LANCL2: variants seen among roughly 807,000 people sequenced by gnomAD.
LANCL2 encodes LanC like glutathione S-transferase 2.
A neutral mutation model predicts 56.9 loss-of-function variants in LANCL2; 33 were observed. The observed-to-expected ratio is 0.58, with a 90% confidence interval of 0.44 to 0.78. The LOEUF (loss-of-function observed/expected upper bound fraction) is 0.78, where lower values mean the gene tolerates loss of function less well. Ranked by LOEUF, LANCL2 falls within the 30% of genes least tolerant of loss-of-function variation. LANCL2 has a pLI of 0.00. For synonymous variants in LANCL2, 233 were observed against 228.2 expected (o/e 1.02, Z -0.19); for missense variants, 562 against 580.2 (o/e 0.97, Z 0.32).
At chr7:55,407,911 G>T (rs138991592) in intron 5 of LANCL2, among the ~76,000 whole-genome samples, 1 of 152,190 alleles carries the variant, frequency 6.6e-6, no homozygotes. Context: ...CAGCCCCTCC[G>T]GTGCACTGAG....
chr7:55,391,715 A>C (rs775047704), intron 1 of LANCL2, 78 bp from the exon 2 acceptor site: 4 of 788,434 alleles, frequency 5.1e-6, no homozygotes, highest in African/African-American at 3.4e-5. Flanking sequence ...ATGTTTGTAC[A>C]ACTTAGACTT....
In LANCL2 at chr7:55,399,404, C is replaced by T. The variant is rs113691637; in HGVS notation, c.531-553C>T. Among the ~76,000 whole-genome samples the T allele has an allele frequency of 1.4e-3, 203 of 146,770 alleles. 3 individuals carry two copies. Among genetic ancestry groups the T allele is most frequent in the African/African-American group, 5.0e-3 (197 of 39,730 alleles). ...TGTTGCCCAGGCTGGAGTGCAATGG[C>T]GCGATCTCAGCTCACTGCAACGTCC... is the stretch of plus-strand genomic sequence containing the variant. On this transcript the variant is annotated intron_variant, in intron 3 of 8. Coordinates refer to ENST00000254770, the MANE Select transcript of LANCL2 (RefSeq NM_018697.4).
rs377264262 is a variant in LANCL2 at position 55,365,991 on chromosome 7, G to A, written c.-35G>A. The A allele has an allele frequency of 3.2e-5, 45 of 1,393,434 alleles. No individual in the cohort carries two copies. Among genetic ancestry groups the A allele is most frequent in the Non-Finnish European group, 3.8e-5 (40 of 1,063,572 alleles). 86.3% of individuals were successfully genotyped at this position (1,393,434 alleles called of 1,614,324 possible). ...GCGAGCTGCAGCGCCGGGACAGGAGGTTTGTCCCCGCCCGCGCGCCGTACC... is the reference window on the plus strand; with the variant it reads ...GCGAGCTGCAGCGCCGGGACAGGAGATTTGTCCCCGCCCGCGCGCCGTACC... On this transcript the variant is annotated 5_prime_UTR_variant, in exon 1 of 9. Transcript: ENST00000254770.
rs1274950063 is a variant in LANCL2, at chr7:55,369,042, T to C, written c.204+2813T>C. Reference sequence around the variant, plus strand: ...AGGGAGAAAGAAGATGGCCATGTGATGATGGAGGCAGAGATTGGAATTGCC... The same window carrying C: ...AGGGAGAAAGAAGATGGCCATGTGACGATGGAGGCAGAGATTGGAATTGCC... On this transcript the variant is annotated intron_variant, in intron 1 of 8. Transcript: ENST00000254770. Among the ~76,000 whole-genome samples the C allele has an allele frequency of 3.9e-5, 6 of 152,160 alleles. No individual in the cohort carries two copies. The East Asian group carries it at 1.2e-3, about 29-fold the overall frequency.
intron 6 of LANCL2, among the ~76,000 whole-genome samples, chr7:55,412,681 T>C (rs1790484613): frequency 6.6e-6 from 1 of 152,194 alleles, no homozygotes; most frequent in Admixed American, 6.5e-5. Context: ...AGATTTATCA[T>C]TTAAGATTTA....
At chr7:55,387,760 C>T (rs765744138) in intron 1 of LANCL2, among the ~76,000 whole-genome samples, 5 of 151,962 alleles carry the variant, frequency 3.3e-5, no homozygotes, top group African/African-American at 1.2e-4. Context: ...TTACACAGAC[C>T]GTTTATGACA....
At chr7:55,428,109 A>G (rs1283026621) in intron 7 of LANCL2, 1 of 519,756 alleles carries the variant, frequency 1.9e-6, no homozygotes, top group Non-Finnish European at 3.5e-6. Context: ...CAGGGAGAAC[A>G]GAGTGTCGTT....
At chr7:55,387,470 G>A (rs990607529) in intron 1 of LANCL2, among the ~76,000 whole-genome samples, 2 of 151,808 alleles carry the variant, frequency 1.3e-5, no homozygotes, top group Non-Finnish European at 2.9e-5. Flanking sequence ...AAAGCTGAAC[G>A]CAGTGGGACA....
At chr7:55,381,992 G>A (rs1036090483) in intron 1 of LANCL2, among the ~76,000 whole-genome samples, 2 of 152,198 alleles carry the variant, frequency 1.3e-5, no homozygotes, top group African/African-American at 4.8e-5. Context: ...GAGGGACACC[G>A]TTTTTAAGTC....
At position 55,365,884 on chromosome 7, in the gene LANCL2, C is replaced by A. The variant is rs1362737721; in HGVS notation, c.-142C>A. The A allele has an allele frequency of 1.7e-5, 10 of 583,560 alleles. No individual in the cohort carries two copies. The allele number at this position is 583,560 out of a possible 1,614,324, so 36.1% of individuals were successfully genotyped here. A position where few individuals can be genotyped will look rare whatever the true frequency, so the allele number is the denominator to read the frequency against. On this transcript the variant is annotated 5_prime_UTR_variant, in exon 1 of 9. Transcript: ENST00000254770. ...CGACGAGGCAGTGCACGCTCAGACG[C>A]CCCGCTCCTCCCGCCAGCGCGCGGC...
At position 55,428,590 on chromosome 7, in the gene LANCL2, A is replaced by T. The variant is rs888354226; in HGVS notation, c.1258+143A>T. On this transcript the variant is annotated intron_variant, in intron 8 of 8. Coordinates refer to ENST00000254770, the MANE Select transcript of LANCL2 (RefSeq NM_018697.4). ...TAATCAGCAGAGTAGCTTATTGCTG[A>T]AAATTATGTTGAATCTCTTCACCTT... 3 of 675,460 alleles carry T rather than the reference A, an allele frequency of 4.4e-6. No homozygotes were observed. In the African/African-American group the frequency reaches 5.4e-5, roughly 12 times the overall value. The allele number at this position is 675,460 out of a possible 1,614,324, so 41.8% of individuals were successfully genotyped here.
intron 2 of LANCL2, 148 bp downstream of exon 2, chr7:55,392,058 C>T (rs1435653852): frequency 1.9e-5 from 9 of 472,346 alleles, no homozygotes; most frequent in African/African-American, 1.4e-4. Flanking sequence ...ATTTGGAGGC[C>T]GAGGCAGGTG....
chr7:55,390,791 T>C (rs923472515), intron 1 of LANCL2, among the ~76,000 whole-genome samples: 3 of 145,940 alleles, frequency 2.1e-5, no homozygotes, highest in African/African-American at 7.6e-5. Context: ...AAAAAAAAAA[T>C]CAGCAAAGGT....
chr7:55,397,971 G>C (rs1429745607), intron 2 of LANCL2, among the ~76,000 whole-genome samples: 1 of 152,040 alleles, frequency 6.6e-6, no homozygotes, highest in Admixed American at 6.6e-5. Context: ...AAAAAAAATA[G>C]GAAGAAGGGA....
chr7:55,385,909 C>G (rs570323514), intron 1 of LANCL2, among the ~76,000 whole-genome samples: 1 of 152,104 alleles, frequency 6.6e-6, no homozygotes, highest in Non-Finnish European at 1.5e-5. Context: ...CAGAGACCTA[C>G]CCCTAGGTGC....
chr7:55,373,275 ATATTTATTTATTTATT>A (rs55805701), intron 1 of LANCL2, among the ~76,000 whole-genome samples: 5 of 147,952 alleles, frequency 3.4e-5, no homozygotes, highest in Admixed American at 1.4e-4. Context: ...AATTTTTTAA[ATATTTATTTATTTATT>A]TATTTATTTA....
intron 1 of LANCL2, among the ~76,000 whole-genome samples, chr7:55,376,474 C>G (rs1474918666): frequency 6.6e-6 from 1 of 152,138 alleles, no homozygotes; most frequent in Non-Finnish European, 1.5e-5. Flanking sequence ...ACGGTACTCC[C>G]TCATCAAAGA....
intron 6 of LANCL2, among the ~76,000 whole-genome samples, chr7:55,422,939 G>T (rs1790624125): frequency 6.6e-6 from 1 of 152,210 alleles, no homozygotes; most frequent in Non-Finnish European, 1.5e-5. Context: ...CCCAGGTCGG[G>T]TGCGGTGGAA....
intron 1 of LANCL2, among the ~76,000 whole-genome samples, chr7:55,378,477 T>G (rs1790027775): frequency 6.6e-6 from 1 of 151,628 alleles, no homozygotes; most frequent in Non-Finnish European, 1.5e-5. Context: ...AAGGAAAAAG[T>G]GTGTGTGCGT....
Sources: allele counts gnomAD v4.1 joint callset (sites outside exome capture counted in the v4.1 genomes callset), GRCh38; gene constraint gnomAD v4.1.1; transcripts MANE v1.5; gene names NCBI Gene and HGNC (gene_info 2026-07-23, HGNC 2026-07-21).